The following ERLIN1 variants were observed in gnomAD, a reference collection of about 807,000 sequenced individuals.
ERLIN1 encodes the protein erlin-1.
Under a neutral mutation model 46.9 loss-of-function variants are expected in ERLIN1, and 24 were observed. The observed-to-expected ratio is 0.51, with a 90% confidence interval of 0.37 to 0.72. The LOEUF is 0.72. Among genes scored for constraint, ERLIN1 ranks in the 30% least tolerant of loss-of-function variants. ERLIN1 has a pLI of 0.00. For missense variants in ERLIN1, 293 were observed against 417.9 expected (o/e 0.70, Z 2.61); for synonymous variants, 158 against 143.2 (o/e 1.10, Z -0.74).
chr10:100,173,870 G>T (rs1191198365), intron 6 of ERLIN1, among the ~76,000 whole-genome samples: 1 of 152,060 alleles, frequency 6.6e-6, no homozygotes, highest in East Asian at 1.9e-4. Context: ...TTTTACACTT[G>T]AACTCCCTTT....
At chr10:100,173,413 T>G (rs1052922039) in intron 6 of ERLIN1, among the ~76,000 whole-genome samples, 1 of 152,190 alleles carries the variant, frequency 6.6e-6, no homozygotes, top group East Asian at 1.9e-4. Flanking sequence ...CCCGCCACAC[T>G]GTGAAACACA....
In ERLIN1 at chr10:100,185,691, C is replaced by A; in HGVS notation, c.-65G>T. The stretch of plus-strand genomic sequence containing the variant: ...CCCGTGAGTGACAGGTCCACCCCCT[C>A]CAGTTTCTACCCTCTCCCTCCGGAA... On this transcript the variant is annotated 5_prime_UTR_variant, in exon 1 of 11. Coordinates refer to ENST00000421367, the MANE Select transcript of ERLIN1 (RefSeq NM_006459.4). 1 of 1,299,740 alleles carries A rather than the reference C, an allele frequency of 7.7e-7. No homozygotes were observed. Among genetic ancestry groups the A allele is most frequent in the East Asian group, 2.3e-5 (1 of 43,312 alleles). 80.5% of individuals were successfully genotyped at this position (1,299,740 alleles called of 1,614,324 possible). A position where few individuals can be genotyped will look rare whatever the true frequency, so the allele number is the denominator to read the frequency against.
chr10:100,179,314 G>C (rs1243933450), intron 2 of ERLIN1, 67 bp from the exon 3 acceptor site: 3 of 1,154,192 alleles, frequency 2.6e-6, no homozygotes, highest in Non-Finnish European at 3.8e-6. Context: ...TGGTACCAGA[G>C]GCAAATCTCT....
chr10:100,174,306 G>C (rs760623380), intron 5 of ERLIN1, 25 bp from the exon 6 acceptor site: 1 of 1,512,024 alleles, frequency 6.6e-7, no homozygotes, highest in Non-Finnish European at 9.0e-7. Context: ...AAGAACAACA[G>C]ATCTCATGAT....
intron 8 of ERLIN1, among the ~76,000 whole-genome samples, chr10:100,156,658 G>A (rs1358308692): frequency 6.6e-6 from 1 of 152,164 alleles, no homozygotes; most frequent in Non-Finnish European, 1.5e-5. Flanking sequence ...AAGACCTTCT[G>A]GAAGTAATCT....
intron 5 of ERLIN1, among the ~76,000 whole-genome samples, chr10:100,175,726 G>C (rs1233183831): frequency 6.6e-6 from 1 of 152,112 alleles, no homozygotes; most frequent in Non-Finnish European, 1.5e-5. Context: ...AGTTATTACA[G>C]TAAAAACAGA....
At chr10:100,173,370 C>T (rs981280831) in intron 6 of ERLIN1, among the ~76,000 whole-genome samples, 5 of 152,174 alleles carry the variant, frequency 3.3e-5, no homozygotes, top group African/African-American at 1.2e-4. Context: ...GTAAGAAACA[C>T]ATTTTGCACT....
intron 2 of ERLIN1, among the ~76,000 whole-genome samples, chr10:100,182,036 G>C (rs1844682279): frequency 6.6e-6 from 1 of 151,482 alleles, no homozygotes. Flanking sequence ...CACTATATTT[G>C]TTATATATAT....
intron 6 of ERLIN1, among the ~76,000 whole-genome samples, chr10:100,173,589 T>C (rs1844127434): frequency 6.6e-6 from 1 of 152,162 alleles, no homozygotes; most frequent in South Asian, 2.1e-4. Context: ...ACCATTCTAT[T>C]TCCCAACGTC....
chr10:100,158,666 A>C (rs1204619699), intron 8 of ERLIN1, among the ~76,000 whole-genome samples: 1 of 152,248 alleles, frequency 6.6e-6, no homozygotes, highest in Non-Finnish European at 1.5e-5. Flanking sequence ...TGGGAGGATA[A>C]AGACAACATG....
intron 10 of ERLIN1, 30 bp from the exon 11 acceptor site, chr10:100,152,382 T>A (rs1842853074): frequency 8.2e-7 from 1 of 1,221,794 alleles, no homozygotes; most frequent in African/African-American, 1.5e-5. Context: ...AGCAAAGGCA[T>A]CAGAATACTC....
At chr10:100,170,042 T>C (rs1589536857) in intron 6 of ERLIN1, among the ~76,000 whole-genome samples, 1 of 151,942 alleles carries the variant, frequency 6.6e-6, no homozygotes, top group East Asian at 1.9e-4. Context: ...CAAAACAACA[T>C]GTATATGACC....
chr10:100,164,178 A>G (rs1843507113), intron 7 of ERLIN1, 83 bp from the exon 8 acceptor site: 1 of 862,390 alleles, frequency 1.2e-6, no homozygotes, highest in Non-Finnish European at 1.8e-6. Flanking sequence ...ACAGTGAGTC[A>G]GAGAACCGTT....
At chr10:100,156,084 C>A in intron 9 of ERLIN1, 61 bp downstream of exon 9, 2 of 1,057,426 alleles carry the variant, frequency 1.9e-6, no homozygotes, top group Non-Finnish European at 2.9e-6. Flanking sequence ...AGGCCTGAAC[C>A]CTGGAGCAGA....
At chr10:100,154,767 G>T in intron 10 of ERLIN1, 93 bp downstream of exon 10, 1 of 971,730 alleles carries the variant, frequency 1.0e-6, no homozygotes, top group Non-Finnish European at 1.6e-6. Context: ...TCTTGACAAT[G>T]GATAAAATCA....
Position 100,163,273 on chromosome 10 carries a change from G to GAT in ERLIN1, c.655+729_655+730dup, listed in dbSNP as rs557291823. Among the ~76,000 whole-genome samples the GAT allele has an allele frequency of 2.3e-3, 342 of 151,372 alleles. 1 individual carries two copies. The highest frequency in any genetic ancestry group is 3.5e-3 in the Admixed American group (53 of 15,206). ...AAAGTATAAAAATATGGACAGAAAG[G>GAT]ATATACATCAACTTCAGAATAGAAG... On this transcript the variant is annotated intron_variant, in intron 8 of 10. Transcript: ENST00000421367.
intron 8 of ERLIN1, among the ~76,000 whole-genome samples, chr10:100,160,037 C>T (rs1306039442): frequency 1.3e-5 from 2 of 151,988 alleles, no homozygotes; most frequent in East Asian, 1.9e-4. Context: ...CACAAGAAAA[C>T]AGTATTAGCA....
chr10:100,168,782 C>T (rs1329455938), intron 6 of ERLIN1, among the ~76,000 whole-genome samples: 3 of 151,264 alleles, frequency 2.0e-5, no homozygotes, highest in Admixed American at 2.0e-4. Context: ...CAGGTTCAAG[C>T]GATTCTTCTG....
At chr10:100,172,417 C>T (rs1844056012) in intron 6 of ERLIN1, among the ~76,000 whole-genome samples, 1 of 152,144 alleles carries the variant, frequency 6.6e-6, no homozygotes, top group Admixed American at 6.5e-5. Flanking sequence ...TAGTATCTAA[C>T]TTTTTTCTAC....
Sources: gnomAD v4.1 joint callset for allele counts (sites outside exome capture counted in the v4.1 genomes callset) on GRCh38, gnomAD v4.1.1 for gene constraint, MANE v1.5 for transcripts, NCBI Gene and HGNC (gene_info 2026-07-23, HGNC 2026-07-21) for gene names.